Variants in ELAPOR2 observed in about 807,000 individuals in gnomAD.
ELAPOR2 encodes endosome/lysosome-associated apoptosis and autophagy regulator family member 2.
Under a neutral mutation model 120.7 loss-of-function variants are expected in ELAPOR2, and 89 were observed. The observed-to-expected ratio is 0.74, with a 90% CI of 0.62 to 0.88. The LOEUF (loss-of-function observed/expected upper bound fraction) is 0.88. Ranked by LOEUF, ELAPOR2 falls within the 40% of genes least tolerant of loss-of-function variation. The pLI, the probability that ELAPOR2 is intolerant of heterozygous loss-of-function variation, is 0.00. For missense variants in ELAPOR2, 1,134 were observed against 1,251.6 expected (o/e 0.91, Z 1.42); for synonymous variants, 444 against 444.9 (o/e 1.00, Z 0.03).
intron 7 of ELAPOR2, 51 bp from the exon 8 acceptor site, chr7:86,938,265 T>A (rs1790648507): frequency 1.4e-6 from 2 of 1,402,946 alleles, no homozygotes; most frequent in Non-Finnish European, 2.0e-6. Flanking sequence ...TTTGCAACTC[T>A]AAGAAAAGGC....
At chr7:87,031,501 T>C (rs1001911848) in intron 1 of ELAPOR2, among the ~76,000 whole-genome samples, 1 of 152,172 alleles carries the variant, frequency 6.6e-6, no homozygotes. Flanking sequence ...AAAATATTAA[T>C]AGTTCTAACA....
chr7:86,932,266 G>A (rs1562929543), intron 8 of ELAPOR2, among the ~76,000 whole-genome samples: 1 of 151,916 alleles, frequency 6.6e-6, no homozygotes, highest in African/African-American at 2.4e-5. Flanking sequence ...TACACAGCAA[G>A]AGAACATCTT....
At chr7:86,910,133 T>A in intron 15 of ELAPOR2, 132 bp from the exon 16 acceptor site, 1 of 664,360 alleles carries the variant, frequency 1.5e-6, no homozygotes, top group Non-Finnish European at 2.5e-6. Flanking sequence ...GTTGATCTGG[T>A]ATGAGGCCTA....
chr7:86,933,051 T>C (rs1790400440), intron 8 of ELAPOR2, among the ~76,000 whole-genome samples: 2 of 151,806 alleles, frequency 1.3e-5, no homozygotes, highest in Admixed American at 6.6e-5. Context: ...CTTATATTCT[T>C]CTTTGTGTGA....
At chr7:87,041,406 G>A (rs141222930) in intron 1 of ELAPOR2, among the ~76,000 whole-genome samples, 186 of 152,234 alleles carry the variant, frequency 1.2e-3, no homozygotes, top group East Asian at 7.5e-3. Context: ...CAGACTAACA[G>A]CGGATCTCTC....
chr7:86,980,117 G>A lies in ELAPOR2; in HGVS notation c.190-15093C>T, dbSNP rs796600758. On this transcript the variant is annotated intron_variant, in intron 1 of 21. Transcript: ENST00000450689. Reference sequence around the variant, plus strand: ...AAGTGGATACACTTATACTATTGTCGGTTGGAAAAAATTATTGTACATTTA... The same window carrying A: ...AAGTGGATACACTTATACTATTGTCAGTTGGAAAAAATTATTGTACATTTA... 1.2e-4 allele frequency among the ~76,000 whole-genome samples: 19 copies of A among 152,202 alleles called. 1 individual carries two copies. The highest frequency in any genetic ancestry group is 3.9e-4 in the African/African-American group (16 of 41,544).
At chr7:87,030,446 A>C (rs1794388543) in intron 1 of ELAPOR2, among the ~76,000 whole-genome samples, 1 of 152,188 alleles carries the variant, frequency 6.6e-6, no homozygotes, top group Non-Finnish European at 1.5e-5. Flanking sequence ...AAGAAAAAAA[A>C]AGAAAGAAAG....
chr7:87,041,431 G>A lies in ELAPOR2; in HGVS notation c.189+17894C>T, dbSNP rs185834376. On this transcript the variant is annotated intron_variant, in intron 1 of 21. Coordinates refer to ENST00000450689, the MANE Select transcript of ELAPOR2 (RefSeq NM_001142749.3). ...GCGGATCTCTCGGCATAAACCCTAC[G>A]AGCCAGAAGAGAGTGGGGGCCAATA... Among the ~76,000 whole-genome samples the A allele has an allele frequency of 7.4e-3, 1,119 of 151,200 alleles. 8 individuals carry two copies. Among genetic ancestry groups the A allele is most frequent in the African/African-American group, 0.017 (676 of 40,598 alleles).
At position 86,925,620 on chromosome 7, in the gene ELAPOR2, A is replaced by G; in HGVS notation, c.1307T>C (p.Leu436Pro). 2.5e-6 allele frequency: 4 copies of G among 1,612,098 alleles called. No individual in the cohort carries two copies. Among genetic ancestry groups the G allele is most frequent in the Non-Finnish European group, 3.4e-6 (4 of 1,178,618 alleles). Residue 436 changes from leucine (L) to proline (P), a missense_variant, in exon 10 of 22, where the codon CTT becomes CCT. By Grantham distance (98) the Leu-to-Pro change is moderately conservative. This residue lies in a region of ELAPOR2 where 831 missense variants were observed against 867.6 expected (regional missense o/e 0.96). Transcript: ENST00000450689. ...RPCPAGTEPA[L>P]GFEYKWWNVL... ...ATTCCACCATTTATATTCAAAGCCA[A>G]GTGCAGGCTCCGTTCCTGCTGGACA... is the stretch of plus-strand genomic sequence containing the variant.
At chr7:86,961,077 T>A (rs928973282) in intron 2 of ELAPOR2, among the ~76,000 whole-genome samples, 1 of 152,174 alleles carries the variant, frequency 6.6e-6, no homozygotes, top group African/African-American at 2.4e-5. Context: ...TATACACACA[T>A]ATATACAACA....
intron 1 of ELAPOR2, among the ~76,000 whole-genome samples, chr7:87,027,382 T>C (rs776261923): frequency 1.8e-4 from 28 of 152,142 alleles, no homozygotes; most frequent in Admixed American, 3.3e-4. Context: ...CTGGTAACTG[T>C]GCCTAAATAT....
rs1442263564 is a variant in ELAPOR2 at position 86,878,125 on chromosome 7, A to G, written c.*2346T>C. 2.0e-5 allele frequency: 3 copies of G among 152,110 alleles called. No individual in the cohort carries two copies. The highest frequency in any genetic ancestry group is 7.2e-5 in the African/African-American group (3 of 41,424). 9.4% of individuals were successfully genotyped at this position (152,110 alleles called of 1,614,324 possible). ...TAACTTCTTCTACCACTTAGGGGGG[A>G]AAAGGAACAAGTGTCAATCAAAAGT... On this transcript the variant is annotated 3_prime_UTR_variant, in exon 22 of 22. Coordinates refer to ENST00000450689, the MANE Select transcript of ELAPOR2 (RefSeq NM_001142749.3).
At chr7:86,974,919 T>C (rs1022703813) in intron 1 of ELAPOR2, among the ~76,000 whole-genome samples, 1 of 152,172 alleles carries the variant, frequency 6.6e-6, no homozygotes, top group African/African-American at 2.4e-5. Context: ...TGGGTGACAT[T>C]CACCTAGCAA....
intron 21 of ELAPOR2, among the ~76,000 whole-genome samples, chr7:86,887,054 T>C (rs1000794974): frequency 2.0e-5 from 3 of 152,202 alleles, no homozygotes; most frequent in Non-Finnish European, 4.4e-5. Context: ...ACTCAAGCTA[T>C]TGCCAATGGC....
At chr7:87,045,527 A>G (rs1377791406) in intron 1 of ELAPOR2, among the ~76,000 whole-genome samples, 2 of 150,070 alleles carry the variant, frequency 1.3e-5, no homozygotes, top group Non-Finnish European at 2.9e-5. Flanking sequence ...CAAACACCAC[A>G]TATTCTCACT....
chr7:86,983,822 A>T lies in ELAPOR2; in HGVS notation c.190-18798T>A, dbSNP rs530624896. On this transcript the variant is annotated intron_variant, in intron 1 of 21. Coordinates refer to ENST00000450689, the MANE Select transcript of ELAPOR2 (RefSeq NM_001142749.3). ...GCTAACATCATAATGACAGGATCAA[A>T]TTCACACACAACAATATTAACCTTA... Among the ~76,000 whole-genome samples the T allele has an allele frequency of 3.9e-5, 6 of 152,350 alleles. No homozygotes were observed. In the South Asian group the frequency reaches 6.2e-4, roughly 16 times the overall value.
intron 4 of ELAPOR2, among the ~76,000 whole-genome samples, chr7:86,944,396 G>C (rs1334636900): frequency 2.0e-5 from 3 of 151,838 alleles, no homozygotes; most frequent in Non-Finnish European, 4.4e-5. Context: ...TAAATTCACA[G>C]AATCAGAAAC....
At chr7:86,995,284 G>T (rs766541445) in intron 1 of ELAPOR2, among the ~76,000 whole-genome samples, 1 of 152,128 alleles carries the variant, frequency 6.6e-6, no homozygotes, top group Non-Finnish European at 1.5e-5. Flanking sequence ...AGCTGTCAGC[G>T]AACTATTACT....
intron 1 of ELAPOR2, among the ~76,000 whole-genome samples, chr7:87,014,477 T>C: frequency 6.6e-6 from 1 of 152,152 alleles, no homozygotes; most frequent in East Asian, 1.9e-4. Context: ...GAAGCTATAA[T>C]ACGAAGCAGA....
Sources: gnomAD v4.1 joint callset for allele counts (sites outside exome capture counted in the v4.1 genomes callset) on GRCh38, gnomAD v4.1.1 for gene constraint, gnomAD v4.1.1 regional missense constraint, MANE v1.5 for transcripts, NCBI Gene and HGNC (gene_info 2026-07-23, HGNC 2026-07-21) for gene names.